The following PEBP4 variants were observed in gnomAD, a reference collection of about 807,000 sequenced individuals.
PEBP4 encodes the protein phosphatidylethanolamine binding protein 4, also known as phosphatidylethanolamine-binding protein 4.
PEBP4 carries 22 observed loss-of-function variants against 23.9 expected under a neutral mutation model. That is an observed-to-expected ratio of 0.92 (90% CI 0.66 to 1.31). The LOEUF (loss-of-function observed/expected upper bound fraction) is 1.31. Among genes scored for constraint, PEBP4 ranks in the 40% most tolerant of loss-of-function variants. The pLI, the probability that PEBP4 is intolerant of heterozygous loss-of-function variation, is 0.00. For missense variants in PEBP4, 324 were observed against 281.7 expected, an observed-to-expected ratio of 1.15 and a Z score of -1.07; for synonymous variants, 112 against 99.3, an observed-to-expected ratio of 1.13 and a Z score of -0.76.
intron 3 of PEBP4, among the ~76,000 whole-genome samples, chr8:22,830,113 T>TTGTGTGTGTGTGTGTGTGTGTGTGTG (rs3060706): frequency 8.3e-5 from 12 of 144,252 alleles, no homozygotes; most frequent in African/African-American, 3.1e-4. Context: ...GGCTGTGGTT[T>TTGTGTGTGTGTGTGTGTGTGTGTGTG]TGTGTGTGTG....
intron 4 of PEBP4, among the ~76,000 whole-genome samples, chr8:22,731,954 C>T (rs1258887151): frequency 6.6e-6 from 1 of 151,982 alleles, no homozygotes; most frequent in South Asian, 2.1e-4. Context: ...GGATTACAGG[C>T]GTGAGCCACC....
intron 4 of PEBP4, among the ~76,000 whole-genome samples, chr8:22,762,794 G>A (rs527979989): frequency 3.3e-5 from 5 of 152,230 alleles, no homozygotes; most frequent in South Asian, 2.1e-4. Flanking sequence ...TCCTTTGCTC[G>A]TTGTGTTACA....
intron 3 of PEBP4, among the ~76,000 whole-genome samples, chr8:22,876,352 A>G (rs1055520243): frequency 2.0e-5 from 3 of 152,176 alleles, no homozygotes; most frequent in African/African-American, 7.2e-5. Context: ...TTTCTGCATC[A>G]CCAGTGCATA....
At chr8:22,871,592 G>T (rs1054007307) in intron 3 of PEBP4, among the ~76,000 whole-genome samples, 1 of 122,918 alleles carries the variant, frequency 8.1e-6, no homozygotes, top group African/African-American at 3.2e-5. Context: ...GTCTCACTCT[G>T]TTGCCAGACT....
At chr8:22,719,102 C>T (rs928868763) in intron 6 of PEBP4, among the ~76,000 whole-genome samples, 4 of 152,138 alleles carry the variant, frequency 2.6e-5, no homozygotes, top group Non-Finnish European at 5.9e-5. Context: ...TGGGTGGTTC[C>T]ACCTCTGAGC....
intron 3 of PEBP4, among the ~76,000 whole-genome samples, chr8:22,854,449 C>T (rs1256358232): frequency 6.6e-6 from 1 of 152,058 alleles, no homozygotes; most frequent in Non-Finnish European, 1.5e-5. Context: ...GTAGTCTTGC[C>T]GTAGGGACCA....
chr8:22,934,849 T>C (rs1163034598), intron 1 of PEBP4, among the ~76,000 whole-genome samples: 1 of 152,220 alleles, frequency 6.6e-6, no homozygotes, highest in African/African-American at 2.4e-5. Flanking sequence ...TTTTTAAAAA[T>C]GATTCAATTA....
intron 4 of PEBP4, among the ~76,000 whole-genome samples, chr8:22,802,637 T>C (rs1478742428): frequency 6.6e-6 from 1 of 152,206 alleles, no homozygotes; most frequent in Non-Finnish European, 1.5e-5. Context: ...CCTTCAAAAG[T>C]AAATGAGAGT....
chr8:22,930,751 T>G (rs988292969), upstream of PEBP4, among the ~76,000 whole-genome samples: 5 of 152,196 alleles, frequency 3.3e-5, no homozygotes, highest in African/African-American at 1.2e-4. Flanking sequence ...ATCTTTCTCT[T>G]GGGGATTTTC....
intron 3 of PEBP4, among the ~76,000 whole-genome samples, chr8:22,850,906 T>C (rs1373298641): frequency 6.6e-6 from 1 of 152,190 alleles, no homozygotes; most frequent in Admixed American, 6.5e-5. Flanking sequence ...CACGGCTTCA[T>C]GCCATGTCCC....
At chr8:22,747,999 G>A (rs566595339) in intron 4 of PEBP4, among the ~76,000 whole-genome samples, 1 of 152,230 alleles carries the variant, frequency 6.6e-6, no homozygotes, top group South Asian at 2.1e-4. Flanking sequence ...GGAAAGGCTG[G>A]CCCTTGCCTG....
At chr8:22,917,939 T>C (rs894520917) in intron 3 of PEBP4, among the ~76,000 whole-genome samples, 3 of 152,086 alleles carry the variant, frequency 2.0e-5, no homozygotes, top group African/African-American at 4.8e-5. Flanking sequence ...AAAAAAACAA[T>C]CAAGAGACAG....
At chr8:22,899,490 G>A (rs1585332168) in intron 3 of PEBP4, among the ~76,000 whole-genome samples, 1 of 152,222 alleles carries the variant, frequency 6.6e-6, no homozygotes, top group East Asian at 1.9e-4. Flanking sequence ...CAAAAGAAGT[G>A]TGTTGGTTAG....
intron 2 of PEBP4, among the ~76,000 whole-genome samples, chr8:22,921,013 T>G (rs1037822013): frequency 6.6e-6 from 1 of 152,164 alleles, no homozygotes; most frequent in South Asian, 2.1e-4. Context: ...TCTAAGAATG[T>G]GGCTTCCTGG....
intron 3 of PEBP4, among the ~76,000 whole-genome samples, chr8:22,842,479 G>A (rs1323224695): frequency 1.3e-5 from 2 of 152,228 alleles, no homozygotes; most frequent in Non-Finnish European, 2.9e-5. Context: ...TCTGAGTAGA[G>A]TGAATATGGC....
intron 4 of PEBP4, among the ~76,000 whole-genome samples, chr8:22,730,653 T>C (rs1288612062): frequency 1.3e-5 from 2 of 152,128 alleles, no homozygotes; most frequent in Non-Finnish European, 2.9e-5. Flanking sequence ...GAGAAACCTG[T>C]AGTTTTGAGC....
intron 4 of PEBP4, among the ~76,000 whole-genome samples, chr8:22,770,426 C>T (rs1805694509): frequency 6.6e-6 from 1 of 152,278 alleles, no homozygotes; most frequent in Admixed American, 6.5e-5. Context: ...CGATGCCCCT[C>T]TGGCCTTGGC....
intron 6 of PEBP4, among the ~76,000 whole-genome samples, chr8:22,721,465 C>T (rs979713009): frequency 6.6e-6 from 1 of 152,118 alleles, no homozygotes; most frequent in Non-Finnish European, 1.5e-5. Flanking sequence ...CATCCCCCTA[C>T]ATAGTCATGA....
At chr8:22,770,101 C>G (rs1017672283) in intron 4 of PEBP4, among the ~76,000 whole-genome samples, 3 of 152,212 alleles carry the variant, frequency 2.0e-5, no homozygotes, top group African/African-American at 2.4e-5. Context: ...CCATCAGCCC[C>G]TAGGAAGCAG....
Sources: allele counts gnomAD v4.1 joint callset (sites outside exome capture counted in the v4.1 genomes callset), GRCh38; gene constraint gnomAD v4.1.1; transcripts MANE v1.5; gene names NCBI Gene and HGNC (gene_info 2026-07-23, HGNC 2026-07-21).